DDX17: variants seen among roughly 807,000 people sequenced by gnomAD.
DDX17 encodes DEAD-box helicase 17.
Under a neutral mutation model 80.8 loss-of-function variants are expected in DDX17, and 10 were observed. The ratio of observed to expected loss-of-function variants is 0.12; its 90% CI spans 0.08 to 0.21. The LOEUF (loss-of-function observed/expected upper bound fraction) is 0.21. Among genes scored for constraint, DDX17 ranks in the 10% least tolerant of loss-of-function variants. The pLI is 1.00. For synonymous variants in DDX17, 339 were observed against 336.2 expected (o/e 1.01, Z -0.09); for missense variants, 586 against 957.4 (o/e 0.61, Z 5.12).
intron 3 of DDX17, 30 bp from the exon 4 acceptor site, chr22:38,498,603 A>G (rs777783051): frequency 2.3e-5 from 37 of 1,611,522 alleles, no homozygotes; most frequent in African/African-American, 1.3e-5. Flanking sequence ...TGCGTATTTT[A>G]TTGTGTTTAA....
intron 3 of DDX17, among the ~76,000 whole-genome samples, chr22:38,498,859 T>C (rs571794479): frequency 6.6e-6 from 1 of 152,034 alleles, no homozygotes; most frequent in Admixed American, 6.5e-5. Context: ...CTACTAAAAA[T>C]ACAAAAATTA....
rs1210360557 is a variant in DDX17 at position 38,506,169 on chromosome 22, C to T, written c.69G>A (p.Thr23=). 1 of 1,593,494 alleles carries T rather than the reference C, an allele frequency of 6.3e-7. No homozygotes were observed. Among genetic ancestry groups the T allele is most frequent in the Non-Finnish European group, 8.5e-7 (1 of 1,171,574 alleles). ...CGCTGTCTCCCGTCGCAGACGCCAC[C>T]GTCGCCGCCTCTCTCGTCGGAGACG... The change falls in exon 1 of 13, where the codon ACG becomes ACA. Residue 23 remains threonine (T), a synonymous_variant. Coordinates refer to ENST00000403230, the MANE Select transcript of DDX17 (RefSeq NM_006386.5).
intron 12 of DDX17, among the ~76,000 whole-genome samples, chr22:38,486,811 T>C (rs1224761712): frequency 6.6e-6 from 1 of 152,078 alleles, no homozygotes; most frequent in Non-Finnish European, 1.5e-5. Context: ...CAGTGTAAAA[T>C]GACTGACCTC....
intron 5 of DDX17, 51 bp from the exon 6 acceptor site, chr22:38,495,988 A>AG: frequency 7.1e-7 from 1 of 1,416,798 alleles, no homozygotes; most frequent in East Asian, 2.5e-5. Flanking sequence ...TTAAAAAAAA[A>AG]AAAAAAAAAA....
chr22:38,504,865 A>C (rs1023046588), intron 1 of DDX17, among the ~76,000 whole-genome samples: 4 of 151,560 alleles, frequency 2.6e-5, no homozygotes, highest in Non-Finnish European at 5.9e-5. Flanking sequence ...ATCTTGACCA[A>C]GGTCACACAC....
Position 38,485,948 on chromosome 22 carries a change from G to A in DDX17, c.2177C>T (p.Pro726Leu). The A allele has an allele frequency of 1.9e-6, 3 of 1,613,558 alleles. No individual in the cohort carries two copies. Among genetic ancestry groups the A allele is most frequent in the East Asian group, 2.2e-5 (1 of 44,872 alleles). The stretch of plus-strand genomic sequence containing the variant: ...ACTTGAGTGGTTTCATTTACGTGAA[G>A]GAGGAGGAGGGGGAGGAGGAGGAGG... The change falls in exon 13 of 13, where the codon CCT (proline) becomes CTT (leucine). Residue 726 changes from proline (P) to leucine (L), a missense_variant. By Grantham distance (98) the Pro-to-Leu change is moderately conservative. Transcript: ENST00000403230.
At position 38,498,593 on chromosome 22, in the gene DDX17, T is replaced by G. The variant is rs754720432; in HGVS notation, c.539-20A>C. The G allele has an allele frequency of 6.2e-7, 1 of 1,612,684 alleles. No individual in the cohort carries two copies. Among genetic ancestry groups the G allele is most frequent in the Non-Finnish European group, 8.5e-7 (1 of 1,178,928 alleles). On this transcript the variant is annotated intron_variant, in intron 3 of 12. Coordinates refer to ENST00000403230, the MANE Select transcript of DDX17 (RefSeq NM_006386.5). The stretch of plus-strand genomic sequence containing the variant: ...CATATTCTGTAAGAGAATTTTATTT[T>G]GCGTATTTTATTGTGTTTAAAGACA...
At chr22:38,491,383 T>C (rs537011693) in intron 11 of DDX17, 6 of 152,260 alleles carry the variant, frequency 3.9e-5, no homozygotes, top group African/African-American at 1.2e-4. Flanking sequence ...TAGCTCAGAA[T>C]AGTGGGCTAA....
intron 2 of DDX17, among the ~76,000 whole-genome samples, chr22:38,500,855 G>T (rs1232962672): frequency 8.7e-6 from 1 of 114,448 alleles, no homozygotes; most frequent in Non-Finnish European, 1.8e-5. Context: ...AATCAGCTGG[G>T]TGCAGTGGCT....
chr22:38,500,972 A>G (rs174484), intron 2 of DDX17, among the ~76,000 whole-genome samples, 158 bp downstream of exon 2: 2 of 56,272 alleles, frequency 3.6e-5, no homozygotes, highest in African/African-American at 9.6e-5. Context: ...CTCTACAAAA[A>G]GGAAAAAAAA....
intron 2 of DDX17, 85 bp from the exon 3 acceptor site, chr22:38,499,584 C>T: frequency 9.6e-7 from 1 of 1,041,364 alleles, no homozygotes; most frequent in Non-Finnish European, 1.5e-6. Context: ...AGCAATTATC[C>T]AGTCCACAGC....
At chr22:38,490,131 G>C (rs2089698694) in intron 11 of DDX17, 1 of 1,156,192 alleles carries the variant, frequency 8.6e-7, no homozygotes, top group African/African-American at 1.6e-5. Flanking sequence ...GGGCACACAG[G>C]AGCAAGCGCA....
chr22:38,488,375 A>G (rs1316388862), intron 11 of DDX17: 3 of 1,352,410 alleles, frequency 2.2e-6, no homozygotes, highest in East Asian at 3.0e-5. Context: ...CCAAACATCC[A>G]AACTCCTGCC....
Position 38,494,036 on chromosome 22 carries a change from C to T in DDX17, c.1310G>A (p.Arg437Lys). The T allele has an allele frequency of 6.2e-7, 1 of 1,613,684 alleles. No homozygotes were observed. The highest frequency in any genetic ancestry group is 8.5e-7 in the Non-Finnish European group (1 of 1,179,702). Residue 437 changes from arginine (R) to lysine (K), a missense_variant, in exon 9 of 13, where the codon AGG (arginine) becomes AAG (lysine). Arg to Lys is a conservative substitution (Grantham distance 26). Transcript: ENST00000403230. Reference sequence around the variant, plus strand: ...CTATACTCACCCATCTCTGCGCATCCTTCGAGTCAGATCATCACAGCGTCT... The same window carrying T: ...CTATACTCACCCATCTCTGCGCATCTTTCGAGTCAGATCATCACAGCGTCT...
At position 38,486,548 on chromosome 22, in the gene DDX17, T is replaced by C. The variant is rs946850514; in HGVS notation, c.1685-108A>G. On this transcript the variant is annotated intron_variant, in intron 12 of 12. Coordinates refer to ENST00000403230, the MANE Select transcript of DDX17 (RefSeq NM_006386.5). ...GTATTAAACATGTCTCCTTGATATT[T>C]AGTTATGCTGGCCAGCCTCCCAATT... 24 of 1,416,796 alleles carry C rather than the reference T, an allele frequency of 1.7e-5. No individual in the cohort carries two copies. The Middle Eastern group carries it at 6.5e-4, about 38-fold the overall frequency. 87.8% of individuals were successfully genotyped at this position (1,416,796 alleles called of 1,614,324 possible). A position where few individuals can be genotyped will look rare whatever the true frequency, so the allele number is the denominator to read the frequency against.
Position 38,506,086 on chromosome 22 carries a change from G to A in DDX17, c.152C>T (p.Pro51Leu), listed in dbSNP as rs1827222646. 6.3e-7 allele frequency: 1 copy of A among 1,579,104 alleles called. No individual in the cohort carries two copies. Among genetic ancestry groups the A allele is most frequent in the Non-Finnish European group, 8.6e-7 (1 of 1,163,228 alleles). ...CGGCTCCGGTCTGGTGACGACCGATGGCGGCGGCGCCTCCGCTGTTGGGGC... is the reference window on the plus strand; with the variant it reads ...CGGCTCCGGTCTGGTGACGACCGATAGCGGCGGCGCCTCCGCTGTTGGGGC... The change falls in exon 1 of 13, where the codon CCA (proline) becomes CTA (leucine). Residue 51 changes from proline to leucine, a missense_variant. Around this residue, in one of 4 missense-constraint regions of DDX17, gnomAD observed 215 missense variants for 238.4 expected, o/e 0.90. Transcript: ENST00000403230.
chr22:38,498,699 C>T (rs2089794714), intron 3 of DDX17, 126 bp from the exon 4 acceptor site: 1 of 1,001,952 alleles, frequency 1.0e-6, no homozygotes, highest in Non-Finnish European at 1.5e-6. Context: ...AGTGCTTTTT[C>T]TTTATCTACT....
chr22:38,495,082 A>G (rs1206023997), intron 6 of DDX17, 36 bp from the exon 7 acceptor site: 1 of 1,593,758 alleles, frequency 6.3e-7, no homozygotes, highest in Non-Finnish European at 8.5e-7. Context: ...CCAATCGACT[A>G]GGTGCAGTGG....
At position 38,484,149 on chromosome 22, in the gene DDX17, G is replaced by A. The variant is rs1395937291; in HGVS notation, c.*1786C>T. ...GACTGGCCAGTGCTTAGACAAATTT[G>A]GGGTTGGGGGGAACACTTTGGTTTG... On this transcript the variant is annotated 3_prime_UTR_variant, in exon 13 of 13. Transcript: ENST00000403230. 1 of 152,418 alleles carries A rather than the reference G, an allele frequency of 6.6e-6. No individual in the cohort carries two copies. Among genetic ancestry groups the A allele is most frequent in the Non-Finnish European group, 1.5e-5 (1 of 67,998 alleles). The allele number at this position is 152,418 out of a possible 1,614,324, so 9.4% of individuals were successfully genotyped here.
Sources: allele counts gnomAD v4.1 joint callset (sites outside exome capture counted in the v4.1 genomes callset), GRCh38; gene constraint gnomAD v4.1.1; regional missense constraint gnomAD v4.1.1; transcripts MANE v1.5; gene names NCBI Gene and HGNC (gene_info 2026-07-23, HGNC 2026-07-21).